Variants in AGTPBP1 observed in about 807,000 individuals in gnomAD.
The protein encoded by AGTPBP1 is ATP/GTP binding carboxypeptidase 1, also known as cytosolic carboxypeptidase 1.
AGTPBP1 carries 70 observed loss-of-function variants against 143.9 expected under a neutral mutation model. That is an observed-to-expected ratio of 0.49 (90% CI 0.40 to 0.59). AGTPBP1 has a LOEUF of 0.59. AGTPBP1 is among the 20% of genes least tolerant of loss of function. AGTPBP1 has a pLI of 0.00. For synonymous variants in AGTPBP1, 463 were observed against 500.2 expected (o/e 0.93, Z 0.99); for missense variants, 1,229 against 1,464.5 (o/e 0.84, Z 2.62).
chr9:85,741,915 G>GGCGGCAGCT lies in AGTPBP1; in HGVS notation c.-183_-175dup, dbSNP rs1205084699. The stretch of plus-strand genomic sequence containing the variant: ...TGGCAGGCGAGGCGGAGGCGGCGGC[G>GGCGGCAGCT]GCGGCAGCTGCGGCGGCGGCGCTGG... On this transcript the variant is annotated 5_prime_UTR_variant, in exon 1 of 26. Coordinates refer to ENST00000357081, the MANE Select transcript of AGTPBP1 (RefSeq NM_001330701.2). 3.0e-6 allele frequency: 4 copies of GGCGGCAGCT among 1,326,342 alleles called. No homozygotes were observed. The highest frequency in any genetic ancestry group is 2.9e-6 in the Non-Finnish European group (3 of 1,042,570). 82.2% of individuals were successfully genotyped at this position (1,326,342 alleles called of 1,614,324 possible).
intron 3 of AGTPBP1, among the ~76,000 whole-genome samples, chr9:85,686,042 GAAGAA>G (rs1835466794): frequency 6.6e-6 from 1 of 151,910 alleles, no homozygotes; most frequent in Non-Finnish European, 1.5e-5. Context: ...GGTAGGACAG[GAAGAA>G]AAGGAATAAA....
chr9:85,741,400 G>C (rs937943726), intron 1 of AGTPBP1: 1 of 985,158 alleles, frequency 1.0e-6, no homozygotes, highest in Non-Finnish European at 1.2e-6. Context: ...GCAGCCCCTC[G>C]GCTGGACTCC....
the AGTPBP1 span, among the ~76,000 whole-genome samples, chr9:85,805,016 G>A: frequency 6.6e-6 from 1 of 152,070 alleles, no homozygotes; most frequent in Non-Finnish European, 1.5e-5. Context: ...TCATTCCCTC[G>A]GGAGGCCTCC....
At chr9:85,589,965 A>G (rs1309036079) in intron 19 of AGTPBP1, among the ~76,000 whole-genome samples, 1 of 152,140 alleles carries the variant, frequency 6.6e-6, no homozygotes, top group Non-Finnish European at 1.5e-5. Context: ...GAATCACCCT[A>G]AGTAGAATCA....
At chr9:85,562,060 C>T (rs552145387) in intron 25 of AGTPBP1, among the ~76,000 whole-genome samples, 1 of 152,022 alleles carries the variant, frequency 6.6e-6, no homozygotes, top group South Asian at 2.1e-4. Context: ...TTGAACTCCT[C>T]ACCTCCTAAT....
At chr9:85,631,477 A>T (rs537127982) in intron 14 of AGTPBP1, among the ~76,000 whole-genome samples, 1 of 152,354 alleles carries the variant, frequency 6.6e-6, no homozygotes. Flanking sequence ...TGCCATCTGT[A>T]ACATGGTAGA....
the AGTPBP1 span, among the ~76,000 whole-genome samples, chr9:85,784,225 T>C: frequency 6.6e-6 from 1 of 152,212 alleles, no homozygotes; most frequent in Non-Finnish European, 1.5e-5. Flanking sequence ...TACTAGTTGT[T>C]TGACCTTGGG....
At chr9:85,766,647 A>C in the AGTPBP1 span, among the ~76,000 whole-genome samples, 2 of 152,028 alleles carry the variant, frequency 1.3e-5, no homozygotes, top group African/African-American at 4.8e-5. Flanking sequence ...GTAGAGTTCT[A>C]CTTACTCACA....
intron 17 of AGTPBP1, among the ~76,000 whole-genome samples, chr9:85,613,255 C>T (rs1325164328): frequency 1.4e-5 from 2 of 147,002 alleles, no homozygotes; most frequent in Admixed American, 6.8e-5. Flanking sequence ...GATCAACAGA[C>T]AAAAATAAAT....
intron 2 of AGTPBP1, among the ~76,000 whole-genome samples, chr9:85,706,272 G>A (rs1836991421): frequency 6.6e-6 from 1 of 151,614 alleles, no homozygotes; most frequent in Non-Finnish European, 1.5e-5. Flanking sequence ...CAGCACTTTG[G>A]GAGCCAAGGT....
chr9:85,766,631 C>CAACT, the AGTPBP1 span, among the ~76,000 whole-genome samples: 1 of 152,236 alleles, frequency 6.6e-6, no homozygotes, highest in South Asian at 2.1e-4. Context: ...GAGCCTCCTA[C>CAACT]AACTGGTAGA....
chr9:85,786,317 G>A, the AGTPBP1 span: 1 of 1,610,378 alleles, frequency 6.2e-7, no homozygotes, highest in Non-Finnish European at 8.5e-7. Context: ...CCCCCCAGTG[G>A]GCATATGTTA....
chr9:85,619,436 C>G, intron 15 of AGTPBP1, 135 bp from the exon 16 acceptor site: 1 of 609,246 alleles, frequency 1.6e-6, no homozygotes, highest in African/African-American at 1.9e-5. Flanking sequence ...AACTAAAGCA[C>G]AAAACAAGCA....
At chr9:85,766,308 G>A in the AGTPBP1 span, among the ~76,000 whole-genome samples, 2 of 152,058 alleles carry the variant, frequency 1.3e-5, no homozygotes, top group African/African-American at 4.8e-5. Context: ...TGATCATTTG[G>A]GGGAAGATTC....
chr9:85,702,037 T>A (rs1043057735), intron 2 of AGTPBP1, among the ~76,000 whole-genome samples: 1 of 152,212 alleles, frequency 6.6e-6, no homozygotes, highest in South Asian at 2.1e-4. Flanking sequence ...CAAAAGACTA[T>A]CTTTAAGGTC....
rs566497405 is a variant in AGTPBP1 at position 85,712,030 on chromosome 9, A to G, written c.32+472T>C. Among the ~76,000 whole-genome samples the G allele has an allele frequency of 4.6e-5, 7 of 151,534 alleles. No individual in the cohort carries two copies. The South Asian group carries it at 1.5e-3, about 31-fold the overall frequency. ...TATAATCCCAGCACTTTGGGAGGCC[A>G]AGGCGGGTGGATCACCTGAGGTCAG... On this transcript the variant is annotated intron_variant, in intron 2 of 25. Coordinates refer to ENST00000357081, the MANE Select transcript of AGTPBP1 (RefSeq NM_001330701.2).
intron 18 of AGTPBP1, 119 bp from the exon 19 acceptor site, chr9:85,592,823 A>T: frequency 8.5e-7 from 1 of 1,182,936 alleles, no homozygotes; most frequent in Non-Finnish European, 1.2e-6. Flanking sequence ...TAAAAAGTGT[A>T]ACTTAAATAC....
the AGTPBP1 span, among the ~76,000 whole-genome samples, chr9:85,762,516 C>T: frequency 6.6e-6 from 1 of 150,736 alleles, no homozygotes; most frequent in African/African-American, 2.4e-5. Flanking sequence ...CAAAGTATTG[C>T]AAGGACAAAA....
At chr9:85,677,609 A>G in intron 5 of AGTPBP1, 27 bp from the exon 6 acceptor site, 1 of 1,494,000 alleles carries the variant, frequency 6.7e-7, no homozygotes. Flanking sequence ...AAAAAAATTT[A>G]AACAACAAAT....
Sources: allele counts gnomAD v4.1 joint callset (sites outside exome capture counted in the v4.1 genomes callset), GRCh38; gene constraint gnomAD v4.1.1; transcripts MANE v1.5; gene names NCBI Gene and HGNC (gene_info 2026-07-23, HGNC 2026-07-21).